Variants in NUGGC observed in about 807,000 individuals in gnomAD.
The protein encoded by NUGGC is nuclear GTPase SLIP-GC.
A neutral mutation model predicts 92.6 loss-of-function variants in NUGGC; 58 were observed. That is an observed-to-expected ratio of 0.63 (90% CI 0.51 to 0.78). The LOEUF is 0.78. Among genes scored for constraint, NUGGC ranks in the 30% least tolerant of loss-of-function variants. The pLI, the probability that NUGGC is intolerant of heterozygous loss-of-function variation, is 0.00. For synonymous variants in NUGGC, 376 were observed against 366.4 expected (o/e 1.03, Z -0.30); for missense variants, 925 against 964.6 (o/e 0.96, Z 0.54).
At position 28,070,323 on chromosome 8, in the gene NUGGC, T is replaced by C; in HGVS notation, c.77A>G (p.Lys26Arg). Residue 26 changes from lysine (K) to arginine (R), a missense_variant, in exon 3 of 19, where the codon AAA becomes AGA. By Grantham distance (26) the Lys-to-Arg change is conservative (BLOSUM62 2). Transcript: ENST00000413272. ...EDDLYKERTRKRRKSDRDQRF... is the reference protein window; with the variant it reads ...EDDLYKERTRRRRKSDRDQRF... ...CTGGTCTCGATCTGATTTCCTTCTT[T>C]TTCTCGTTCGTTCTTTATATAAATC... 1 of 1,546,998 alleles carries C rather than the reference T, an allele frequency of 6.5e-7. No individual in the cohort carries two copies. The highest frequency in any genetic ancestry group is 8.8e-7 in the Non-Finnish European group (1 of 1,142,058).
At position 28,060,488 on chromosome 8, in the gene NUGGC, G is replaced by A. The variant is rs1810272905; in HGVS notation, c.1035C>T (p.Phe345=). The A allele has an allele frequency of 1.2e-6, 2 of 1,613,960 alleles. No homozygotes were observed. Among genetic ancestry groups the A allele is most frequent in the Middle Eastern group, 1.6e-4 (1 of 6,062 alleles). The change falls in exon 8 of 19, where the codon TTC becomes TTT. Residue 345 remains phenylalanine, a synonymous_variant. Transcript: ENST00000413272. ...TGACCACCAGGGCCACGTCCCTACA[G>A]AAGCCCCGCTGGCAGGCTTTGATGC... ...NESIKACQRG[F]CRDVALVVTK...
chr8:28,070,202 A>G (rs2130257611), intron 3 of NUGGC, 50 bp downstream of exon 3: 1 of 1,505,928 alleles, frequency 6.6e-7, no homozygotes, highest in South Asian at 1.3e-5. Flanking sequence ...ATTTTAACAT[A>G]CTTGGAACAG....
At chr8:28,070,575 A>G (rs781275434) in intron 2 of NUGGC, among the ~76,000 whole-genome samples, 2 of 150,366 alleles carry the variant, frequency 1.3e-5, no homozygotes, top group Admixed American at 1.3e-4. Context: ...ACACAGCAAG[A>G]CCCTTGTCTC....
intron 12 of NUGGC, among the ~76,000 whole-genome samples, chr8:28,042,311 T>A (rs1350086396): frequency 6.6e-6 from 1 of 152,094 alleles, no homozygotes; most frequent in African/African-American, 2.4e-5. Flanking sequence ...CCTGCAGCAG[T>A]CAGAGCCACA....
At chr8:28,058,369 C>A in intron 8 of NUGGC, 93 bp from the exon 9 acceptor site, 1 of 252,838 alleles carries the variant, frequency 4.0e-6, no homozygotes. Context: ...CACACACTCC[C>A]TGTGTCTGTG....
chr8:28,069,266 G>A (rs544953069), intron 4 of NUGGC, among the ~76,000 whole-genome samples: 2 of 152,248 alleles, frequency 1.3e-5, no homozygotes, highest in South Asian at 2.1e-4. Context: ...GGGCCTCTCT[G>A]AGCCTCAATT....
rs1300257794 is a variant in NUGGC, at chr8:28,026,496, T to C, written c.2245+466A>G. ...GCCTTTCTCCACCATCACCAGACCA[T>C]GAAATTTTTCTTAAGGAGGCATCAA... On this transcript the variant is annotated intron_variant, in intron 18 of 18. Coordinates refer to ENST00000413272, the MANE Select transcript of NUGGC (RefSeq NM_001010906.2). Among the ~76,000 whole-genome samples, 4 of 152,174 alleles carry C rather than the reference T, an allele frequency of 2.6e-5. No individual in the cohort carries two copies. In the South Asian group the frequency reaches 6.2e-4, roughly 24 times the overall value.
Position 28,077,585 on chromosome 8 carries a change from T to A in NUGGC, c.-46-3129A>T, listed in dbSNP as rs372481365. Among the ~76,000 whole-genome samples the A allele has an allele frequency of 5.9e-5, 9 of 152,058 alleles. No homozygotes were observed. In the East Asian group the frequency reaches 1.5e-3, roughly 26 times the overall value. Reference sequence around the variant, plus strand: ...GTCTCAAAGAAAAAAAAAAATTAGATACAGAACTAGGATTACCCCTAGGAA... The same window carrying A: ...GTCTCAAAGAAAAAAAAAAATTAGAAACAGAACTAGGATTACCCCTAGGAA... On this transcript the variant is annotated intron_variant, in intron 1 of 18. Coordinates refer to ENST00000413272, the MANE Select transcript of NUGGC (RefSeq NM_001010906.2).
At chr8:28,072,397 G>C (rs561010427) in intron 2 of NUGGC, among the ~76,000 whole-genome samples, 35 of 152,316 alleles carry the variant, frequency 2.3e-4, no homozygotes, top group Non-Finnish European at 4.4e-4. Flanking sequence ...ATCTGTGCTC[G>C]AAAAAGCATC....
At chr8:28,032,163 A>G (rs1029558629) in intron 14 of NUGGC, among the ~76,000 whole-genome samples, 9 of 152,180 alleles carry the variant, frequency 5.9e-5, no homozygotes, top group African/African-American at 1.9e-4. Context: ...GAATGTCTTG[A>G]ACGCGTTCTA....
Position 28,023,069 on chromosome 8 carries a change from C to CA in NUGGC, c.*247dup, listed in dbSNP as rs34532311. On this transcript the variant is annotated 3_prime_UTR_variant, in exon 19 of 19. Coordinates refer to ENST00000413272, the MANE Select transcript of NUGGC (RefSeq NM_001010906.2). ...TGGGTGACACAGCGAGACTCTGTCT[C>CA]AAAAAAAAAAAAAAAAAAATTACCC... The CA allele has an allele frequency of 0.036, 8,176 of 226,558 alleles. 110 individuals are homozygous for CA. Among genetic ancestry groups the CA allele is most frequent in the African/African-American group, 0.092 (2,892 of 31,534 alleles). 14.0% of individuals were successfully genotyped at this position (226,558 alleles called of 1,614,324 possible).
chr8:28,061,489 A>G (rs1249405416), intron 7 of NUGGC, among the ~76,000 whole-genome samples: 1 of 152,210 alleles, frequency 6.6e-6, no homozygotes, highest in Admixed American at 6.5e-5. Flanking sequence ...AGGGATGACA[A>G]GTTTGTGACT....
rs976463016 is a variant in NUGGC at position 28,072,777 on chromosome 8, C to T, written c.43+1591G>A. On this transcript the variant is annotated intron_variant, in intron 2 of 18. Coordinates refer to ENST00000413272, the MANE Select transcript of NUGGC (RefSeq NM_001010906.2). ...TATATTAGATTGTAACCAAAATAAA[C>T]TTGTCCGAATTTAGATCACAGATCT... 2.0e-5 allele frequency among the ~76,000 whole-genome samples: 3 copies of T among 152,068 alleles called. No individual in the cohort carries two copies. The East Asian group carries it at 5.8e-4, about 29-fold the overall frequency.
Position 28,041,250 on chromosome 8 carries a change from C to A in NUGGC, c.1447-35G>T, listed in dbSNP as rs183016260. On this transcript the variant is annotated intron_variant, in intron 12 of 18. Transcript: ENST00000413272. The stretch of plus-strand genomic sequence containing the variant: ...AGGACCATAAAAGAATCAGGCCACC[C>A]CCTCCCTAAGGGCACCTTCTCCTGA... 1.9e-6 allele frequency: 3 copies of A among 1,582,686 alleles called. No homozygotes were observed. In the East Asian group the frequency reaches 6.9e-5, roughly 36 times the overall value.
intron 18 of NUGGC, among the ~76,000 whole-genome samples, chr8:28,025,120 C>T (rs954177692): frequency 1.3e-5 from 2 of 152,220 alleles, no homozygotes; most frequent in Non-Finnish European, 2.9e-5. Context: ...CCTGTATTGG[C>T]CACCACTGTG....
At chr8:28,071,273 G>A (rs1810583632) in intron 2 of NUGGC, among the ~76,000 whole-genome samples, 1 of 152,138 alleles carries the variant, frequency 6.6e-6, no homozygotes, top group African/African-American at 2.4e-5. Flanking sequence ...GGGGTTAAGT[G>A]TGCAGTGAGG....
intron 10 of NUGGC, among the ~76,000 whole-genome samples, chr8:28,050,198 C>A (rs1291391968): frequency 6.6e-6 from 1 of 151,966 alleles, no homozygotes; most frequent in Non-Finnish European, 1.5e-5. Flanking sequence ...CCAGCCTGAT[C>A]AACATGGAGA....
At chr8:28,025,993 T>C (rs1809250022) in intron 18 of NUGGC, among the ~76,000 whole-genome samples, 1 of 152,304 alleles carries the variant, frequency 6.6e-6, no homozygotes, top group South Asian at 2.1e-4. Flanking sequence ...CATATACATA[T>C]GTATTTCCTT....
chr8:28,023,266 A>G lies in NUGGC; in HGVS notation c.*51T>C. 1 of 1,565,218 alleles carries G rather than the reference A, an allele frequency of 6.4e-7. No individual in the cohort carries two copies. The highest frequency in any genetic ancestry group is 2.3e-5 in the East Asian group (1 of 43,874). On this transcript the variant is annotated 3_prime_UTR_variant, in exon 19 of 19. Transcript: ENST00000413272. ...CTTAAGAACAAAAAAAGTAATTCTA[A>G]TTCTCTGGCTCTGGGCTGATTTTTC...
Sources: gnomAD v4.1 joint callset for allele counts (sites outside exome capture counted in the v4.1 genomes callset) on GRCh38, gnomAD v4.1.1 for gene constraint, MANE v1.5 for transcripts, NCBI Gene and HGNC (gene_info 2026-07-23, HGNC 2026-07-21) for gene names.